C3: variants seen among roughly 807,000 people sequenced by gnomAD.
C3 encodes the protein complement C3.
A neutral mutation model predicts 207.9 loss-of-function variants in C3; 97 were observed. That is an observed-to-expected ratio of 0.47 (90% CI 0.40 to 0.55). The LOEUF is 0.55. Ranked by LOEUF, C3 falls within the 20% of genes least tolerant of loss-of-function variation. C3 has a pLI of 0.00. For missense variants in C3, 1,684 were observed against 2,171.7 expected, an observed-to-expected ratio of 0.78 and a Z score of 4.46; for synonymous variants, 848 against 857.6, an observed-to-expected ratio of 0.99 and a Z score of 0.20.
In C3 at chr19:6,677,760, T is replaced by C. The variant is rs1462818599; in HGVS notation, c.*122A>G. The C allele has an allele frequency of 6.3e-5, 77 of 1,231,144 alleles. No homozygotes were observed. The highest frequency in any genetic ancestry group is 1.2e-5 in the Non-Finnish European group (10 of 864,606). The allele number at this position is 1,231,144 out of a possible 1,614,324, so 76.3% of individuals were successfully genotyped here. A position where few individuals can be genotyped will look rare whatever the true frequency, so the allele number is the denominator to read the frequency against. On this transcript the variant is annotated 3_prime_UTR_variant, in exon 41 of 41. Coordinates refer to ENST00000245907, the MANE Select transcript of C3 (RefSeq NM_000064.4). ...CGGTGGGAACAGGTGAGGTTTCAAG[T>C]AGGATGGAGCTGAGCTGCAGGTGAG... is the stretch of plus-strand genomic sequence containing the variant.
At chr19:6,708,662 CT>C (rs755139983) in intron 14 of C3, among the ~76,000 whole-genome samples, 7 of 141,460 alleles carry the variant, frequency 4.9e-5, no homozygotes, top group African/African-American at 1.3e-4. Context: ...TCTCTCTCTT[CT>C]TTTTTTTTCC....
chr19:6,695,622 G>A (rs978747972), intron 23 of C3, among the ~76,000 whole-genome samples: 23 of 152,088 alleles, frequency 1.5e-4, no homozygotes, highest in African/African-American at 5.5e-4. Flanking sequence ...TGGGATTACA[G>A]GCATGTGCCA....
At chr19:6,715,788 AT>A (rs113123232) in intron 4 of C3, among the ~76,000 whole-genome samples, 24,724 of 148,630 alleles carry the variant, frequency 0.17, 2,604 homozygotes, top group East Asian at 0.53. Context: ...CGCCCAGCTA[AT>A]TTTTTTTTTG....
intron 19 of C3, among the ~76,000 whole-genome samples, chr19:6,698,621 A>G (rs1967589837): frequency 6.6e-6 from 1 of 151,646 alleles, no homozygotes. Flanking sequence ...AGGCAGGAGG[A>G]TTGCTTGAGC....
At position 6,682,124 on chromosome 19, in the gene C3, C is replaced by A; in HGVS notation, c.4260+18G>T. 6.2e-7 allele frequency: 1 copy of A among 1,611,484 alleles called. No homozygotes were observed. Among genetic ancestry groups the A allele is most frequent in the Non-Finnish European group, 8.5e-7 (1 of 1,177,572 alleles). ...CCAGGCTCCTTTCCACTTATCCCAG[C>A]TCCTGAGCCCTTCATACCTGCTTCA... On this transcript the variant is annotated intron_variant, in intron 34 of 40. Transcript: ENST00000245907.
At chr19:6,702,254 G>A (rs751797158) in intron 18 of C3, 42 bp from the exon 19 acceptor site, 15 of 1,290,310 alleles carry the variant, frequency 1.2e-5, no homozygotes, top group South Asian at 1.1e-4. Context: ...ATGTCATCTA[G>A]CAGGGTGGTA....
In C3 at chr19:6,711,069, C is replaced by A. The variant is rs764476466; in HGVS notation, c.1397G>T (p.Arg466Ile). Residue 466 changes from arginine to isoleucine, a missense_variant, in exon 12 of 41, where the codon AGA (arginine) becomes ATA (isoleucine). Coordinates refer to ENST00000245907, the MANE Select transcript of C3 (RefSeq NM_000064.4). ...LHLSVLRTELRPGETLNVNFL... is the reference protein window; with the variant it reads ...LHLSVLRTELIPGETLNVNFL... ...GTTGACGTTGAGGGTCTCCCCGGGT[C>A]TGAGCTCTGTACGTAGCACTGAGAG... is the stretch of plus-strand genomic sequence containing the variant. The A allele has an allele frequency of 1.2e-6, 2 of 1,614,050 alleles. No homozygotes were observed. The highest frequency in any genetic ancestry group is 2.7e-5 in the African/African-American group (2 of 74,908).
intron 35 of C3, 57 bp downstream of exon 35, chr19:6,681,884 C>T: frequency 8.0e-7 from 1 of 1,253,282 alleles, no homozygotes. Context: ...AAAGACCAGC[C>T]AGATAGAGGT....
intron 4 of C3, among the ~76,000 whole-genome samples, chr19:6,716,001 C>T (rs1036259160): frequency 6.6e-6 from 1 of 152,136 alleles, no homozygotes; most frequent in African/African-American, 2.4e-5. Context: ...CAGGAGACAT[C>T]TAATTGGAGC....
intron 14 of C3, among the ~76,000 whole-genome samples, chr19:6,709,423 G>A (rs1394617366): frequency 6.6e-6 from 1 of 151,748 alleles, no homozygotes; most frequent in African/African-American, 2.4e-5. Flanking sequence ...ACTCCAGCCT[G>A]GTGACAGAGA....
chr19:6,681,500 C>T (rs1917859131), intron 35 of C3, among the ~76,000 whole-genome samples: 1 of 151,798 alleles, frequency 6.6e-6, no homozygotes, highest in Non-Finnish European at 1.5e-5. Context: ...GAGCTAGTAT[C>T]AAGACACTGT....
rs1967983332 is a variant in C3, at chr19:6,714,163, T to C, written c.682+3A>G. 4.3e-6 allele frequency: 7 copies of C among 1,613,466 alleles called. No homozygotes were observed. Among genetic ancestry groups the C allele is most frequent in the Non-Finnish European group, 5.9e-6 (7 of 1,179,798 alleles). Reference sequence around the variant, plus strand: ...GACTCCCCCCAGCCCCTCCTCCTCTTACCGTACTCCTTCACCTCAAACTCA... The same window carrying C: ...GACTCCCCCCAGCCCCTCCTCCTCTCACCGTACTCCTTCACCTCAAACTCA... On this transcript the variant is annotated splice_donor_region_variant and intron_variant, in intron 6 of 40. Transcript: ENST00000245907.
intron 27 of C3, among the ~76,000 whole-genome samples, chr19:6,689,775 A>G (rs1052259296): frequency 1.3e-5 from 2 of 152,286 alleles, no homozygotes; most frequent in African/African-American, 2.4e-5. Context: ...TGAGGTCAGG[A>G]GTTCGAGACC....
intron 35 of C3, among the ~76,000 whole-genome samples, chr19:6,681,325 G>A (rs1333589644): frequency 8.5e-6 from 1 of 117,512 alleles, no homozygotes; most frequent in Non-Finnish European, 1.7e-5. Flanking sequence ...AAGCCTGGGA[G>A]GTCAAGGCTG....
Position 6,684,387 on chromosome 19 carries a change from C to G in C3, c.4172+1G>C. On this transcript the variant is annotated splice_donor_variant, in intron 33 of 40. Coordinates refer to ENST00000245907, the MANE Select transcript of C3 (RefSeq NM_000064.4). LOFTEE classifies it high-confidence loss of function. Reference sequence around the variant, plus strand: ...TGAACCCCGGTGACCTAGCTTCTTACCTGGTACAGATCTCAAGGATCATAG... The same window carrying G: ...TGAACCCCGGTGACCTAGCTTCTTAGCTGGTACAGATCTCAAGGATCATAG... 1 of 1,613,496 alleles carries G rather than the reference C, an allele frequency of 6.2e-7. No homozygotes were observed. Among genetic ancestry groups the G allele is most frequent in the Non-Finnish European group, 8.5e-7 (1 of 1,179,402 alleles).
chr19:6,681,841 G>T, intron 35 of C3, 100 bp downstream of exon 35: 1 of 914,568 alleles, frequency 1.1e-6, no homozygotes, highest in Non-Finnish European at 1.8e-6. Flanking sequence ...CCCAGGGTTA[G>T]TCTGACCCAG....
chr19:6,713,060 C>T lies in C3; in HGVS notation c.1003+129G>A, dbSNP rs1045731706. On this transcript the variant is annotated intron_variant, in intron 9 of 40. Transcript: ENST00000245907. ...CCTCCCCTCTCAGACTGGGCCTACC[C>T]CATCAGACTGAACCCCACTTTCACT... 10 of 1,118,372 alleles carry T rather than the reference C, an allele frequency of 8.9e-6. No homozygotes were observed. In the East Asian group the frequency reaches 2.4e-4, roughly 27 times the overall value. 69.3% of individuals were successfully genotyped at this position (1,118,372 alleles called of 1,614,324 possible).
chr19:6,713,662 C>G, intron 7 of C3, 153 bp from the exon 8 acceptor site: 1 of 620,816 alleles, frequency 1.6e-6, no homozygotes, highest in Non-Finnish European at 2.9e-6. Flanking sequence ...GCCCCACCCC[C>G]AGCCCCCCAC....
At chr19:6,690,003 A>ACAAC (rs1353012966) in intron 27 of C3, among the ~76,000 whole-genome samples, 1 of 152,026 alleles carries the variant, frequency 6.6e-6, no homozygotes, top group Non-Finnish European at 1.5e-5. Context: ...AAACAAACAA[A>ACAAC]CAACCACAAT....
Sources: gnomAD v4.1 joint callset for allele counts (sites outside exome capture counted in the v4.1 genomes callset) on GRCh38, gnomAD v4.1.1 for gene constraint, MANE v1.5 for transcripts, NCBI Gene and HGNC (gene_info 2026-07-23, HGNC 2026-07-21) for gene names.